ZBTB20: variants seen among roughly 807,000 people sequenced by gnomAD.
The protein encoded by ZBTB20 is zinc finger and BTB domain containing 20.
ZBTB20 carries 9 observed loss-of-function variants against 56.9 expected under a neutral mutation model. The observed-to-expected ratio is 0.16, with a 90% CI of 0.10 to 0.28. The LOEUF (loss-of-function observed/expected upper bound fraction) is 0.28, where lower values mean the gene tolerates loss of function less well. ZBTB20 is among the 10% of genes least tolerant of loss of function. The pLI, the probability that ZBTB20 is intolerant of heterozygous loss-of-function variation, is 1.00. For missense variants in ZBTB20, 655 were observed against 1,003.0 expected, an observed-to-expected ratio of 0.65 and a Z score of 4.69; for synonymous variants, 417 against 420.7, an observed-to-expected ratio of 0.99 and a Z score of 0.11.
chr3:115,026,032 A>C (rs1273394713), intron 2 of ZBTB20, among the ~76,000 whole-genome samples: 1 of 151,090 alleles, frequency 6.6e-6, no homozygotes, highest in Non-Finnish European at 1.5e-5. Flanking sequence ...TTAATAGAAA[A>C]ACACAATGAT....
At chr3:114,663,509 T>C (rs1426082794) in intron 6 of ZBTB20, among the ~76,000 whole-genome samples, 3 of 150,308 alleles carry the variant, frequency 2.0e-5, no homozygotes, top group African/African-American at 7.4e-5. Context: ...GCTAACATCA[T>C]AATGACAGGA....
chr3:115,115,090 T>C (rs914067659), intron 1 of ZBTB20, among the ~76,000 whole-genome samples: 2 of 152,118 alleles, frequency 1.3e-5, no homozygotes, highest in Non-Finnish European at 2.9e-5. Context: ...TTTGGTAACA[T>C]ATTTTTGACT....
intron 3 of ZBTB20, among the ~76,000 whole-genome samples, chr3:114,913,771 G>C (rs1270446410): frequency 6.6e-6 from 1 of 151,740 alleles, no homozygotes; most frequent in East Asian, 1.9e-4. Context: ...TAATGAGAGA[G>C]AAGGGTCTAG....
chr3:114,494,777 T>A (rs1373358517), intron 7 of ZBTB20, among the ~76,000 whole-genome samples: 1 of 152,194 alleles, frequency 6.6e-6, no homozygotes, highest in Admixed American at 6.5e-5. Context: ...CCATTTCCTC[T>A]TTACACTAAG....
intron 6 of ZBTB20, among the ~76,000 whole-genome samples, chr3:114,685,416 C>T (rs1323075463): frequency 6.6e-6 from 1 of 152,194 alleles, no homozygotes; most frequent in African/African-American, 2.4e-5. Context: ...ACAAAGAACT[C>T]AGGACAACAA....
At position 114,485,915 on chromosome 3, in the gene ZBTB20, G is replaced by C. The variant is rs535385909; in HGVS notation, c.-255+14437C>G. On this transcript the variant is annotated intron_variant, in intron 7 of 11. Coordinates refer to ENST00000675478, the MANE Select transcript of ZBTB20 (RefSeq NM_001348800.3). ...GTTGTTTATAAATTACCCAGTCTCA[G>C]GTATTTTGTTATAGCAGCAAAAATG... 2.3e-3 allele frequency among the ~76,000 whole-genome samples: 353 copies of C among 152,040 alleles called. 3 individuals carry two copies. The highest frequency in any genetic ancestry group is 8.2e-3 in the African/African-American group (338 of 41,452).
intron 6 of ZBTB20, among the ~76,000 whole-genome samples, chr3:114,587,824 A>G (rs2055339322): frequency 6.6e-6 from 1 of 152,208 alleles, no homozygotes; most frequent in East Asian, 1.9e-4. Flanking sequence ...AATTTGATAC[A>G]AAAGGGCCAG....
At chr3:114,678,939 T>C (rs1475607163) in intron 6 of ZBTB20, among the ~76,000 whole-genome samples, 1 of 152,128 alleles carries the variant, frequency 6.6e-6, no homozygotes, top group Non-Finnish European at 1.5e-5. Flanking sequence ...GAAAATAAAG[T>C]GATTATAATT....
At chr3:114,838,175 T>C (rs2108986172) in intron 4 of ZBTB20, among the ~76,000 whole-genome samples, 1 of 152,318 alleles carries the variant, frequency 6.6e-6, no homozygotes, top group East Asian at 1.9e-4. Context: ...AGGCAGTGGA[T>C]AGATGTTAGC....
intron 4 of ZBTB20, among the ~76,000 whole-genome samples, chr3:114,828,866 C>G (rs542196333): frequency 3.3e-5 from 5 of 151,848 alleles, no homozygotes; most frequent in African/African-American, 1.2e-4. Context: ...TTAAAATCAG[C>G]TTGAGGCTTT....
chr3:114,782,216 T>A (rs148114502), intron 5 of ZBTB20, among the ~76,000 whole-genome samples: 102 of 152,340 alleles, frequency 6.7e-4, no homozygotes, highest in African/African-American at 2.4e-3. Flanking sequence ...ACATATACTT[T>A]TTTTTGTTAT....
intron 7 of ZBTB20, among the ~76,000 whole-genome samples, chr3:114,396,750 C>T (rs2086367679): frequency 6.6e-6 from 1 of 152,134 alleles, no homozygotes; most frequent in Non-Finnish European, 1.5e-5. Context: ...TCTCTCATGT[C>T]TTCTTGAATA....
chr3:114,447,760 C>T (rs537311964), intron 7 of ZBTB20, among the ~76,000 whole-genome samples: 13 of 152,182 alleles, frequency 8.5e-5, no homozygotes, highest in Admixed American at 5.2e-4. Flanking sequence ...AGTGTGTACC[C>T]TATAGTTATC....
At chr3:115,142,705 T>C (rs963209802) in intron 1 of ZBTB20, among the ~76,000 whole-genome samples, 10 of 151,842 alleles carry the variant, frequency 6.6e-5, no homozygotes, top group African/African-American at 2.4e-4. Flanking sequence ...ATTCCATTAG[T>C]TATAAAGTCT....
chr3:114,947,851 T>C (rs1399649349), intron 3 of ZBTB20, among the ~76,000 whole-genome samples: 8 of 145,380 alleles, frequency 5.5e-5, no homozygotes, highest in Admixed American at 5.3e-4. Flanking sequence ...CTGACTCAAA[T>C]AGTTTCACAG....
Position 114,333,251 on chromosome 3 carries a change from A to T in ZBTB20, c.*5754T>A, listed in dbSNP as rs547042874. Reference sequence around the variant, plus strand: ...TGTAAAGGTTTAAGTGATATCAGAAATAGCAACTCTACACGGAAAGCCCTT... The same window carrying T: ...TGTAAAGGTTTAAGTGATATCAGAATTAGCAACTCTACACGGAAAGCCCTT... On this transcript the variant is annotated 3_prime_UTR_variant, in exon 12 of 12. Coordinates refer to ENST00000675478, the MANE Select transcript of ZBTB20 (RefSeq NM_001348800.3). 1 of 152,226 alleles carries T rather than the reference A, an allele frequency of 6.6e-6. No individual in the cohort carries two copies. Among genetic ancestry groups the T allele is most frequent in the African/African-American group, 2.4e-5 (1 of 41,446 alleles). The allele number at this position is 152,226 out of a possible 1,614,324, so 9.4% of individuals were successfully genotyped here.
chr3:114,811,684 A>G (rs1210389348), intron 4 of ZBTB20, among the ~76,000 whole-genome samples: 1 of 152,240 alleles, frequency 6.6e-6, no homozygotes, highest in Non-Finnish European at 1.5e-5. Context: ...TCATCTCATT[A>G]AAGTGTCATA....
chr3:115,062,520 G>A (rs1170999310), intron 2 of ZBTB20, among the ~76,000 whole-genome samples: 1 of 151,942 alleles, frequency 6.6e-6, no homozygotes, highest in Non-Finnish European at 1.5e-5. Flanking sequence ...GAGGTTTAAG[G>A]ATATCTGCTA....
intron 6 of ZBTB20, among the ~76,000 whole-genome samples, chr3:114,643,427 T>C (rs190814100): frequency 2.6e-5 from 4 of 152,222 alleles, no homozygotes; most frequent in Admixed American, 6.5e-5. Flanking sequence ...GGAACTGATA[T>C]AGGACACAGG....
Sources: allele counts gnomAD v4.1 joint callset (sites outside exome capture counted in the v4.1 genomes callset), GRCh38; gene constraint gnomAD v4.1.1; transcripts MANE v1.5; gene names NCBI Gene and HGNC (gene_info 2026-07-23, HGNC 2026-07-21).